Variants in RASSF3 observed in about 807,000 individuals in gnomAD.
The protein encoded by RASSF3 is ras association domain-containing protein 3.
RASSF3 carries 19 observed loss-of-function variants against 19.9 expected under a neutral mutation model. The ratio of observed to expected loss-of-function variants is 0.96; its 90% confidence interval spans 0.67 to 1.40. The LOEUF (loss-of-function observed/expected upper bound fraction) is 1.40. Ranked by LOEUF, RASSF3 falls within the 40% of genes most tolerant of loss-of-function variation. The probability of loss-of-function intolerance (pLI) is 0.00; values close to 1 mark genes in which losing one functional copy is unlikely to be tolerated. For missense variants in RASSF3, 306 were observed against 289.8 expected, an observed-to-expected ratio of 1.06 and a Z score of -0.41; for synonymous variants, 110 against 104.2, an observed-to-expected ratio of 1.06 and a Z score of -0.34.
intron 1 of RASSF3, among the ~76,000 whole-genome samples, chr12:64,675,079 T>G (rs548880129): frequency 6.3e-4 from 60 of 94,944 alleles, no homozygotes; most frequent in African/African-American, 2.1e-3. Flanking sequence ...GCTTCTTGCT[T>G]AACAAGTAAC....
At chr12:64,577,346 T>C (rs555445329) in intron 2 of RASSF3, among the ~76,000 whole-genome samples, 2 of 152,338 alleles carry the variant, frequency 1.3e-5, no homozygotes, top group South Asian at 4.1e-4. Context: ...AGCGCTACAA[T>C]GTTTTAAAAA....
At chr12:64,565,969 G>C (rs556190741) in intron 2 of RASSF3, among the ~76,000 whole-genome samples, 1 of 151,980 alleles carries the variant, frequency 6.6e-6, no homozygotes, top group African/African-American at 2.4e-5. Flanking sequence ...GGGAAGCCAA[G>C]GTGGGTGGAT....
chr12:64,659,004 T>C (rs1013501551), intron 1 of RASSF3, among the ~76,000 whole-genome samples: 5 of 152,148 alleles, frequency 3.3e-5, no homozygotes, highest in African/African-American at 1.2e-4. Context: ...CAAGAGTTTA[T>C]TAAGGCTGCA....
intron 1 of RASSF3, among the ~76,000 whole-genome samples, chr12:64,657,312 G>C (rs1412516000): frequency 6.6e-6 from 1 of 152,122 alleles, no homozygotes; most frequent in East Asian, 1.9e-4. Context: ...GCGATACAGA[G>C]TTTCAGCTGG....
At chr12:64,541,460 A>G (rs1184745250) in intron 1 of RASSF3, 1 of 396,250 alleles carries the variant, frequency 2.5e-6, no homozygotes, top group Non-Finnish European at 4.4e-6. Context: ...ACTCATTTTT[A>G]TTATTCCAGG....
intron 2 of RASSF3, among the ~76,000 whole-genome samples, chr12:64,585,103 C>T (rs1869772598): frequency 6.6e-6 from 1 of 152,012 alleles, no homozygotes; most frequent in African/African-American, 2.4e-5. Context: ...CCAGGATGGT[C>T]TCAATCTCTT....
upstream of RASSF3, among the ~76,000 whole-genome samples, chr12:64,608,193 A>T (rs1870227597): frequency 1.3e-5 from 2 of 152,100 alleles, no homozygotes; most frequent in South Asian, 4.2e-4. Flanking sequence ...TGCCCCACTC[A>T]ATCATGCCTT....
At chr12:64,565,124 C>T (rs921005773) in intron 2 of RASSF3, among the ~76,000 whole-genome samples, 3 of 148,402 alleles carry the variant, frequency 2.0e-5, no homozygotes, top group African/African-American at 5.0e-5. Context: ...TAAACTGGCA[C>T]ACTTAAGTAG....
chr12:64,567,908 C>G (rs1869456496), intron 2 of RASSF3, among the ~76,000 whole-genome samples: 1 of 152,254 alleles, frequency 6.6e-6, no homozygotes, highest in South Asian at 2.1e-4. Context: ...ACTGCTGTTG[C>G]TCTAACTCGA....
intron 1 of RASSF3, among the ~76,000 whole-genome samples, chr12:64,672,546 T>C (rs1002195947): frequency 6.6e-6 from 1 of 152,112 alleles, no homozygotes; most frequent in Non-Finnish European, 1.5e-5. Flanking sequence ...TTTTGAGAGA[T>C]AGGATCTTGC....
intron 1 of RASSF3, among the ~76,000 whole-genome samples, chr12:64,662,360 G>A (rs1872399425): frequency 6.6e-6 from 1 of 152,186 alleles, no homozygotes; most frequent in Non-Finnish European, 1.5e-5. Flanking sequence ...GGTTGAGGCT[G>A]CTGTGAGCTG....
chr12:64,527,817 C>A (rs1367206160), intron 1 of RASSF3, among the ~76,000 whole-genome samples: 2 of 152,034 alleles, frequency 1.3e-5, no homozygotes, highest in African/African-American at 2.4e-5. Context: ...TGGCTGTAAT[C>A]CCAGCTACTT....
At chr12:64,638,677 TG>T (rs1871409640) in intron 1 of RASSF3, among the ~76,000 whole-genome samples, 1 of 152,192 alleles carries the variant, frequency 6.6e-6, no homozygotes, top group South Asian at 2.1e-4. Context: ...TCTCAATTGC[TG>T]GCCCCATTTG....
intron 1 of RASSF3, among the ~76,000 whole-genome samples, chr12:64,618,692 A>T (rs916591335): frequency 2.0e-5 from 3 of 152,148 alleles, no homozygotes; most frequent in Non-Finnish European, 4.4e-5. Context: ...AGGATGTCAG[A>T]ACCCATAAAA....
chr12:64,639,632 T>A (rs1251525572), intron 1 of RASSF3, among the ~76,000 whole-genome samples: 1 of 152,240 alleles, frequency 6.6e-6, no homozygotes, highest in Non-Finnish European at 1.5e-5. Flanking sequence ...GAAGGTTCTG[T>A]TCTCTTATCA....
At chr12:64,641,788 G>A (rs926180498) in intron 1 of RASSF3, among the ~76,000 whole-genome samples, 5 of 151,924 alleles carry the variant, frequency 3.3e-5, no homozygotes, top group South Asian at 2.1e-4. Context: ...TGTTGCCCAG[G>A]CTAGAGTGCA....
chr12:64,587,860 C>T (rs1269313119), intron 2 of RASSF3, among the ~76,000 whole-genome samples: 1 of 152,164 alleles, frequency 6.6e-6, no homozygotes, highest in Non-Finnish European at 1.5e-5. Context: ...ACAATGATAT[C>T]TCAACCCACG....
intron 1 of RASSF3, among the ~76,000 whole-genome samples, chr12:64,631,021 G>T (rs578109614): frequency 4.2e-4 from 64 of 152,302 alleles, no homozygotes; most frequent in Non-Finnish European, 8.2e-4. Context: ...GGTAGACCTG[G>T]TCTGCAGAGA....
At chr12:64,618,985 AATG>A (rs1335118508) in intron 1 of RASSF3, among the ~76,000 whole-genome samples, 1 of 152,242 alleles carries the variant, frequency 6.6e-6, no homozygotes, top group Non-Finnish European at 1.5e-5. Flanking sequence ...TACATGTTGA[AATG>A]ATAATATTCG....
Sources: gnomAD v4.1 joint callset for allele counts (sites outside exome capture counted in the v4.1 genomes callset) on GRCh38, gnomAD v4.1.1 for gene constraint, MANE v1.5 for transcripts, NCBI Gene and HGNC (gene_info 2026-07-23, HGNC 2026-07-21) for gene names.